ANKHD1: variants seen among roughly 807,000 people sequenced by gnomAD.
The protein encoded by ANKHD1 is ankyrin repeat and KH domain containing 1, also known as ankyrin repeat and KH domain-containing protein 1.
Under a neutral mutation model 230.5 loss-of-function variants are expected in ANKHD1, and 31 were observed. The ratio of observed to expected loss-of-function variants is 0.13; its 90% CI spans 0.10 to 0.18. ANKHD1 has a LOEUF of 0.18. Ranked by LOEUF, ANKHD1 falls within the 10% of genes least tolerant of loss-of-function variation. The pLI is 1.00. For synonymous variants in ANKHD1, 1,074 were observed against 1,117.6 expected, an observed-to-expected ratio of 0.96 and a Z score of 0.78; for missense variants, 2,256 against 3,071.3, an observed-to-expected ratio of 0.73 and a Z score of 6.27.
At chr5:140,486,599 A>G (rs1751513442) in intron 13 of ANKHD1, 1 of 155,218 alleles carries the variant, frequency 6.4e-6, no homozygotes. Flanking sequence ...AATATATTAC[A>G]TTTTTGTTTT....
chr5:140,515,130 T>C (rs1202284605), intron 24 of ANKHD1, among the ~76,000 whole-genome samples: 1 of 151,792 alleles, frequency 6.6e-6, no homozygotes, highest in Non-Finnish European at 1.5e-5. Flanking sequence ...ATACAAATAT[T>C]AGCTGGGTGT....
rs990577360 is a variant in ANKHD1 at position 140,539,639 on chromosome 5, T to C, written c.*221T>C. On this transcript the variant is annotated 3_prime_UTR_variant, in exon 34 of 34. Transcript: ENST00000360839. The stretch of plus-strand genomic sequence containing the variant: ...TTAAGATCATATGACCTTAGTGCTT[T>C]TGGCTAAACATACAGAATACTACTT... 1 of 468,278 alleles carries C rather than the reference T, an allele frequency of 2.1e-6. No homozygotes were observed. Among genetic ancestry groups the C allele is most frequent in the Non-Finnish European group, 3.7e-6 (1 of 268,168 alleles). 29.0% of individuals were successfully genotyped at this position (468,278 alleles called of 1,614,324 possible).
At chr5:140,488,849 G>A (rs999360482) in intron 14 of ANKHD1, among the ~76,000 whole-genome samples, 4 of 151,922 alleles carry the variant, frequency 2.6e-5, no homozygotes, top group Non-Finnish European at 4.4e-5. Flanking sequence ...GCAATAAGCC[G>A]AGATCTTGCC....
At chr5:140,500,844 A>G (rs1368318836) in intron 15 of ANKHD1, among the ~76,000 whole-genome samples, 1 of 151,690 alleles carries the variant, frequency 6.6e-6, no homozygotes, top group Non-Finnish European at 1.5e-5. Flanking sequence ...TCTATTAATC[A>G]TTTCCCTTAT....
chr5:140,443,079 G>A (rs966107449), intron 5 of ANKHD1, among the ~76,000 whole-genome samples: 5 of 151,596 alleles, frequency 3.3e-5, no homozygotes, highest in African/African-American at 1.2e-4. Flanking sequence ...CTAATTTTTT[G>A]TATTTTTAGT....
intron 24 of ANKHD1, among the ~76,000 whole-genome samples, chr5:140,517,437 G>C (rs879750363): frequency 3.1e-4 from 47 of 151,304 alleles, no homozygotes; most frequent in Non-Finnish European, 5.9e-4. Flanking sequence ...GCACCAAGCG[G>C]ACCTAATAGA....
chr5:140,442,671 A>AT (rs961258317), intron 5 of ANKHD1, among the ~76,000 whole-genome samples: 1 of 152,130 alleles, frequency 6.6e-6, no homozygotes, highest in Non-Finnish European at 1.5e-5. Context: ...GATTTACTTA[A>AT]TTTTTTATCT....
chr5:140,525,515 C>G (rs1224514994), intron 25 of ANKHD1, among the ~76,000 whole-genome samples: 1 of 152,184 alleles, frequency 6.6e-6, no homozygotes, highest in East Asian at 1.9e-4. Context: ...ATCCACCTGC[C>G]TTGGCCTCCC....
intron 1 of ANKHD1, among the ~76,000 whole-genome samples, chr5:140,427,225 G>A (rs2126886769): frequency 6.7e-6 from 1 of 148,920 alleles, no homozygotes; most frequent in South Asian, 2.1e-4. Context: ...GGGCGGCCGG[G>A]CAGAGGTGCC....
In ANKHD1 at chr5:140,459,350, C is replaced by T; in HGVS notation, c.1667C>T (p.Ala556Val). Residue 556 changes from alanine to valine, a missense_variant, in exon 9 of 34, where the codon GCT (alanine) becomes GTT (valine). By Grantham distance (64) the Ala-to-Val change is moderately conservative. This residue lies in a region of ANKHD1 where 179 missense variants were observed against 261.8 expected (regional missense o/e 0.68). Coordinates refer to ENST00000360839, the MANE Select transcript of ANKHD1 (RefSeq NM_017747.3). ...GHLELVKYLL[A>V]SGANVHATTA... ...CTGGAATTGGTTAAATATTTGCTGG[C>T]TTCTGGTATGTGGCTTTAAGATGCC... The T allele has an allele frequency of 6.4e-7, 1 of 1,564,506 alleles. No homozygotes were observed. Among genetic ancestry groups the T allele is most frequent in the Non-Finnish European group, 8.7e-7 (1 of 1,149,124 alleles).
chr5:140,514,671 A>G (rs968573006), intron 24 of ANKHD1, among the ~76,000 whole-genome samples: 12 of 152,162 alleles, frequency 7.9e-5, no homozygotes, highest in African/African-American at 2.9e-4. Context: ...CTAGATTTTG[A>G]GCAAGATCCC....
chr5:140,513,272 C>CT, intron 23 of ANKHD1, 91 bp from the exon 24 acceptor site: 1 of 1,313,434 alleles, frequency 7.6e-7, no homozygotes, highest in Non-Finnish European at 1.0e-6. Flanking sequence ...TCAGTTTGAA[C>CT]TTTAACCTCT....
At chr5:140,505,641 A>G (rs912263156) in intron 17 of ANKHD1, 83 bp from the exon 18 acceptor site, 4 of 1,497,462 alleles carry the variant, frequency 2.7e-6, no homozygotes, top group Non-Finnish European at 3.5e-6. Context: ...TTATTTTGCT[A>G]AAATACTAGA....
At chr5:140,428,467 C>T (rs891780463) in intron 1 of ANKHD1, among the ~76,000 whole-genome samples, 1 of 152,252 alleles carries the variant, frequency 6.6e-6, no homozygotes, top group Non-Finnish European at 1.5e-5. Flanking sequence ...AACCCTGCCT[C>T]CACCAAAAAA....
At chr5:140,496,128 C>T (rs960768132) in intron 14 of ANKHD1, among the ~76,000 whole-genome samples, 4 of 152,088 alleles carry the variant, frequency 2.6e-5, no homozygotes, top group African/African-American at 9.7e-5. Context: ...GTATTTTCAA[C>T]GCTATTTTGA....
Position 140,507,384 on chromosome 5 carries a change from C to T in ANKHD1, c.3552-401C>T, listed in dbSNP as rs895710195. Among the ~76,000 whole-genome samples the T allele has an allele frequency of 1.3e-5, 2 of 152,106 alleles. No individual in the cohort carries two copies. The highest frequency in any genetic ancestry group is 2.4e-5 in the African/African-American group (1 of 41,422). On this transcript the variant is annotated intron_variant, in intron 19 of 33. Transcript: ENST00000360839. The surrounding 1 kb of genome is among the most constrained non-coding windows in gnomAD (Gnocchi z 4.1). ...ATGCAATGGCGCGATCTTGGCTTAC[C>T]GCGAACTCTGCCTCCGGGGTTCAAG...
At position 140,509,638 on chromosome 5, in the gene ANKHD1, C is replaced by T. The variant is rs764045062; in HGVS notation, c.3767C>T (p.Thr1256Met). ...RKANVEHRAKTGLTPLMEAAS... is the reference protein window; with the variant it reads ...RKANVEHRAKMGLTPLMEAAS... ...TGCATAATTTATTGGTTTAAACAGA[C>T]GGGTCTTACCCCCTTGATGGAAGCA... The change falls in exon 21 of 34, where the codon ACG (threonine) becomes ATG (methionine). Residue 1256 changes from threonine to methionine, a missense_variant and splice_region_variant. Coordinates refer to ENST00000360839, the MANE Select transcript of ANKHD1 (RefSeq NM_017747.3). The T allele has an allele frequency of 5.2e-6, 8 of 1,544,408 alleles. No individual in the cohort carries two copies. Among genetic ancestry groups the T allele is most frequent in the Non-Finnish European group, 7.0e-6 (8 of 1,149,026 alleles).
intron 10 of ANKHD1, among the ~76,000 whole-genome samples, chr5:140,477,654 C>A (rs1751040041): frequency 6.6e-6 from 1 of 152,182 alleles, no homozygotes; most frequent in Admixed American, 6.5e-5. Context: ...ACTCTGTCAC[C>A]AGGCTGGAGT....
intron 7 of ANKHD1, 134 bp downstream of exon 7, chr5:140,449,439 C>A (rs1198091508): frequency 2.1e-6 from 2 of 957,640 alleles, no homozygotes; most frequent in Non-Finnish European, 3.0e-6. Context: ...CCAAGTCGGG[C>A]GGATCACATG....
Sources: gnomAD v4.1 joint callset for allele counts (sites outside exome capture counted in the v4.1 genomes callset) on GRCh38, gnomAD v4.1.1 for gene constraint, gnomAD v4.1.1 regional missense constraint, Gnocchi (gnomAD v3.1) non-coding constraint, MANE v1.5 for transcripts, NCBI Gene and HGNC (gene_info 2026-07-23, HGNC 2026-07-21) for gene names.